The following ZFYVE16 variants were observed in gnomAD, a reference collection of about 807,000 sequenced individuals.
ZFYVE16 encodes the protein zinc finger FYVE-type containing 16, also known as zinc finger FYVE domain-containing protein 16.
In ZFYVE16, 89 loss-of-function variants were observed where a neutral mutation model predicts 138.1. That is an observed-to-expected ratio of 0.64 (90% CI 0.54 to 0.77). The LOEUF (loss-of-function observed/expected upper bound fraction) is 0.77. Ranked by LOEUF, ZFYVE16 falls within the 30% of genes least tolerant of loss-of-function variation. The pLI, the probability that ZFYVE16 is intolerant of heterozygous loss-of-function variation, is 0.00. For synonymous variants in ZFYVE16, 596 were observed against 618.3 expected, an observed-to-expected ratio of 0.96 and a Z score of 0.53; for missense variants, 1,793 against 1,786.7, an observed-to-expected ratio of 1.00 and a Z score of -0.06.
chr5:80,445,531 A>G (rs1751230588), intron 7 of ZFYVE16, 126 bp downstream of exon 7: 1 of 799,052 alleles, frequency 1.3e-6, no homozygotes. Context: ...TAAGAGATGT[A>G]TTGATATAGT....
chr5:80,456,893 A>T, intron 13 of ZFYVE16, 52 bp from the exon 14 acceptor site: 1 of 1,548,434 alleles, frequency 6.5e-7, no homozygotes, highest in East Asian at 2.3e-5. Flanking sequence ...GAATAGGCAT[A>T]TAATATTAAA....
chr5:80,438,658 G>A lies in ZFYVE16; in HGVS notation c.1973G>A (p.Arg658Lys). 1 of 1,614,044 alleles carries A rather than the reference G, an allele frequency of 6.2e-7. No individual in the cohort carries two copies. ...RPKQLFSLPS[R>K]TRSSKDLNKP... The stretch of plus-strand genomic sequence containing the variant: ...AAGCAATTGTTTAGCCTTCCATCAA[G>A]AACAAGGAGTTCAAAGGACCTGAAT... Residue 658 changes from arginine to lysine, a missense_variant, in exon 4 of 19, where the codon AGA (arginine) becomes AAA (lysine). Arg to Lys is a conservative substitution (Grantham distance 26). Transcript: ENST00000505560.
chr5:80,420,343 G>A (rs960619956), intron 1 of ZFYVE16, among the ~76,000 whole-genome samples: 1 of 151,912 alleles, frequency 6.6e-6, no homozygotes, highest in Admixed American at 6.6e-5. Context: ...TGTGTACAAC[G>A]TGCAGGTTTG....
At chr5:80,429,771 T>TA (rs1554040431) in intron 2 of ZFYVE16, among the ~76,000 whole-genome samples, 2 of 150,388 alleles carry the variant, frequency 1.3e-5, no homozygotes, top group East Asian at 3.9e-4. Context: ...ACCAAACACA[T>TA]AAAAAAGGCA....
chr5:80,447,651 C>T (rs1405571673), intron 7 of ZFYVE16, among the ~76,000 whole-genome samples: 2 of 152,180 alleles, frequency 1.3e-5, no homozygotes, highest in Non-Finnish European at 2.9e-5. Flanking sequence ...TCCTCCCTGC[C>T]TACCCAAGGG....
At chr5:80,420,863 A>T (rs1747044185) in intron 1 of ZFYVE16, among the ~76,000 whole-genome samples, 1 of 152,222 alleles carries the variant, frequency 6.6e-6, no homozygotes, top group Non-Finnish European at 1.5e-5. Context: ...TCCCTAAGGA[A>T]TCGCCACGCT....
rs1351953628 is a variant in ZFYVE16, at chr5:80,419,062, TGGGTTTTTTTTTTTTGGG to T, written c.-93-8425_-93-8408del. On this transcript the variant is annotated intron_variant, in intron 1 of 18. Transcript: ENST00000505560. ...TTTGCTCCTTTGTCAAAGATCGGTG[TGGGTTTTTTTTTTTTGGG>T]GGGTCTTTTTTTTTTTATGCAGGGT... Among the ~76,000 whole-genome samples, 18 of 150,044 alleles carry T rather than the reference TGGGTTTTTTTTTTTTGGG, an allele frequency of 1.2e-4. No homozygotes were observed. In the East Asian group the frequency reaches 3.5e-3, roughly 29 times the overall value.
chr5:80,433,865 T>G (rs1177539852), intron 2 of ZFYVE16, among the ~76,000 whole-genome samples: 6 of 152,192 alleles, frequency 3.9e-5, no homozygotes, highest in Non-Finnish European at 8.8e-5. Flanking sequence ...ATGAGTTATT[T>G]AGGTAAGTGT....
At chr5:80,443,660 A>G (rs1419886296) in intron 6 of ZFYVE16, 1 of 452,386 alleles carries the variant, frequency 2.2e-6, no homozygotes, top group Non-Finnish European at 4.4e-6. Flanking sequence ...AGACCTCCAG[A>G]TTTGATGTTA....
chr5:80,439,099 C>G (rs1333339983), intron 4 of ZFYVE16, 92 bp downstream of exon 4: 7 of 1,277,782 alleles, frequency 5.5e-6, no homozygotes, highest in Non-Finnish European at 7.4e-6. Flanking sequence ...CAGATAATTA[C>G]AAGATTGAGT....
At chr5:80,471,482 TC>T (rs1754371819) in intron 15 of ZFYVE16, among the ~76,000 whole-genome samples, 2 of 152,282 alleles carry the variant, frequency 1.3e-5, no homozygotes, top group South Asian at 4.2e-4. Context: ...CATGTGACCA[TC>T]TCACCTCATA....
intron 18 of ZFYVE16, among the ~76,000 whole-genome samples, chr5:80,475,362 T>C (rs1754798366): frequency 6.6e-6 from 1 of 152,256 alleles, no homozygotes; most frequent in Non-Finnish European, 1.5e-5. Flanking sequence ...CACAATGTAT[T>C]CTGTGTAACT....
Position 80,449,598 on chromosome 5 carries a change from A to G in ZFYVE16, c.3111A>G (p.Val1037=), listed in dbSNP as rs1441356787. The change falls in exon 9 of 19, where the codon GTA becomes GTG. Residue 1037 remains valine, a synonymous_variant. Coordinates refer to ENST00000505560, the MANE Select transcript of ZFYVE16 (RefSeq NM_001284236.3). ...VASGEKGSVP[V]VEEHPSHEQI... The stretch of plus-strand genomic sequence containing the variant: ...ATTACTTTCATCATTTAGTGCCTGT[A>G]GTAGAAGAACATCCATCTCATGAGC... 6 of 1,607,574 alleles carry G rather than the reference A, an allele frequency of 3.7e-6. No individual in the cohort carries two copies. Among genetic ancestry groups the G allele is most frequent in the East Asian group, 2.3e-5 (1 of 44,398 alleles).
chr5:80,412,435 T>G (rs1177072126), intron 1 of ZFYVE16, among the ~76,000 whole-genome samples: 1 of 152,192 alleles, frequency 6.6e-6, no homozygotes, highest in African/African-American at 2.4e-5. Context: ...CTGAATATGG[T>G]AGATTATTGG....
At chr5:80,419,898 G>A (rs1401773182) in intron 1 of ZFYVE16, among the ~76,000 whole-genome samples, 4 of 151,522 alleles carry the variant, frequency 2.6e-5, no homozygotes, top group Non-Finnish European at 4.4e-5. Context: ...TGCAACATCC[G>A]CCTCCCGGGT....
intron 2 of ZFYVE16, among the ~76,000 whole-genome samples, chr5:80,430,239 C>T (rs1464280260): frequency 6.6e-6 from 1 of 152,114 alleles, no homozygotes; most frequent in East Asian, 1.9e-4. Context: ...AACAAACTGT[C>T]TCTCAGACCA....
intron 18 of ZFYVE16, among the ~76,000 whole-genome samples, chr5:80,476,136 G>T (rs1455839070): frequency 1.3e-5 from 2 of 152,072 alleles, no homozygotes; most frequent in African/African-American, 2.4e-5. Context: ...CAGACACAGG[G>T]TTTCACCATG....
intron 1 of ZFYVE16, among the ~76,000 whole-genome samples, chr5:80,414,326 C>G (rs1032429726): frequency 2.6e-5 from 4 of 152,176 alleles, no homozygotes; most frequent in South Asian, 2.1e-4. Context: ...TTGCACAACT[C>G]TCTTCCTGGA....
intron 1 of ZFYVE16, among the ~76,000 whole-genome samples, chr5:80,426,376 C>T (rs1341003289): frequency 1.3e-5 from 2 of 151,696 alleles, no homozygotes; most frequent in South Asian, 4.2e-4. Context: ...TGGTTTGCTG[C>T]ACCTGTCAAC....
Sources: gnomAD v4.1 joint callset for allele counts (sites outside exome capture counted in the v4.1 genomes callset) on GRCh38, gnomAD v4.1.1 for gene constraint, MANE v1.5 for transcripts, NCBI Gene and HGNC (gene_info 2026-07-23, HGNC 2026-07-21) for gene names.